SCARA5: variants seen among roughly 807,000 people sequenced by gnomAD.
The protein encoded by SCARA5 is scavenger receptor class A member 5, also known as scavenger receptor class A, member 5 (putative).
SCARA5 carries 45 observed loss-of-function variants against 46.3 expected under a neutral mutation model. That is an observed-to-expected ratio of 0.97 (90% confidence interval 0.76 to 1.24). The LOEUF (loss-of-function observed/expected upper bound fraction) is 1.24. SCARA5 is among the 50% of genes most tolerant of loss of function. The pLI, the probability that SCARA5 is intolerant of heterozygous loss-of-function variation, is 0.00. For missense variants in SCARA5, 680 were observed against 689.0 expected (o/e 0.99, Z 0.15); for synonymous variants, 333 against 306.5 (o/e 1.09, Z -0.90).
chr8:27,926,338 A>G (rs910097430), intron 3 of SCARA5, among the ~76,000 whole-genome samples: 1 of 152,146 alleles, frequency 6.6e-6, no homozygotes, highest in Non-Finnish European at 1.5e-5. Flanking sequence ...TCAGCAAACT[A>G]TCACAAGGAC....
intron 2 of SCARA5, among the ~76,000 whole-genome samples, chr8:27,975,703 T>C (rs1808512907): frequency 6.6e-6 from 1 of 152,042 alleles, no homozygotes; most frequent in African/African-American, 2.4e-5. Context: ...TTGGTTTTTT[T>C]TTCCTCTCTC....
chr8:27,913,849 C>T (rs1807417761), intron 4 of SCARA5, among the ~76,000 whole-genome samples: 1 of 152,212 alleles, frequency 6.6e-6, no homozygotes, highest in South Asian at 2.1e-4. Context: ...GCTCGGTGCT[C>T]ATGGTCACCA....
intron 3 of SCARA5, among the ~76,000 whole-genome samples, chr8:27,925,957 T>G (rs528591373): frequency 6.6e-6 from 1 of 152,338 alleles, no homozygotes; most frequent in Non-Finnish European, 1.5e-5. Flanking sequence ...CAACAGATGC[T>G]GGAGAGGATG....
intron 3 of SCARA5, among the ~76,000 whole-genome samples, chr8:27,933,608 A>G (rs1036039561): frequency 3.9e-5 from 6 of 152,138 alleles, no homozygotes; most frequent in African/African-American, 4.8e-5. Context: ...AATCTATAAC[A>G]TAAATATAAA....
chr8:27,938,397 G>C (rs369116840), intron 3 of SCARA5, among the ~76,000 whole-genome samples: 4 of 152,238 alleles, frequency 2.6e-5, no homozygotes, highest in Admixed American at 1.3e-4. Context: ...ACTTTCATGG[G>C]GTTTGTTGGT....
chr8:27,919,340 G>A (rs1585489262), intron 4 of SCARA5, among the ~76,000 whole-genome samples: 1 of 152,146 alleles, frequency 6.6e-6, no homozygotes, highest in South Asian at 2.1e-4. Context: ...GCTGTCAGTG[G>A]GGAAGGTGAG....
At chr8:27,917,525 G>A (rs185289173) in intron 4 of SCARA5, among the ~76,000 whole-genome samples, 7 of 152,150 alleles carry the variant, frequency 4.6e-5, no homozygotes, top group East Asian at 1.9e-4. Context: ...CTTACAGCTC[G>A]GAAGCAAAAT....
intron 4 of SCARA5, among the ~76,000 whole-genome samples, chr8:27,911,236 A>G (rs1464875071): frequency 1.3e-5 from 1 of 77,354 alleles, no homozygotes; most frequent in Non-Finnish European, 3.0e-5. Context: ...GCCATTTGAC[A>G]AGTAATCTCA....
At chr8:27,877,918 G>A (rs1436430066) in intron 8 of SCARA5, among the ~76,000 whole-genome samples, 1 of 152,260 alleles carries the variant, frequency 6.6e-6, no homozygotes, top group Non-Finnish European at 1.5e-5. Context: ...TGGGGATGAA[G>A]AGGAAGGCGG....
chr8:27,982,288 C>T (rs1808633590), intron 2 of SCARA5, among the ~76,000 whole-genome samples: 1 of 152,048 alleles, frequency 6.6e-6, no homozygotes, highest in African/African-American at 2.4e-5. Flanking sequence ...CCCACCCACT[C>T]CCAGATCGGC....
At position 27,871,510 on chromosome 8, in the gene SCARA5, G is replaced by A. The variant is rs1271151486; in HGVS notation, c.*424C>T. On this transcript the variant is annotated 3_prime_UTR_variant, in exon 9 of 9. Coordinates refer to ENST00000354914, the MANE Select transcript of SCARA5 (RefSeq NM_173833.6). ...ATGTAGAAACTCTTGGACTAATGGA[G>A]GTTTGGGAATTGTCTGAAGAGTAAA... 1.0e-6 allele frequency: 1 copy of A among 1,000,872 alleles called. No homozygotes were observed. The highest frequency in any genetic ancestry group is 1.2e-6 in the Non-Finnish European group (1 of 839,282). 62.0% of individuals were successfully genotyped at this position (1,000,872 alleles called of 1,614,324 possible).
chr8:27,970,139 C>T (rs543255435), intron 2 of SCARA5, among the ~76,000 whole-genome samples: 2 of 152,022 alleles, frequency 1.3e-5, no homozygotes, highest in South Asian at 4.2e-4. Flanking sequence ...AAGCCAGCTG[C>T]CATGTCATGA....
chr8:27,933,553 A>G (rs1238928938), intron 3 of SCARA5, among the ~76,000 whole-genome samples: 1 of 150,546 alleles, frequency 6.6e-6, no homozygotes, highest in African/African-American at 2.4e-5. Flanking sequence ...AACAGGGCAG[A>G]TTCATGAGAT....
intron 7 of SCARA5, among the ~76,000 whole-genome samples, chr8:27,896,710 C>T (rs889898912): frequency 6.6e-6 from 1 of 152,142 alleles, no homozygotes; most frequent in African/African-American, 2.4e-5. Flanking sequence ...CCCCCTCCTG[C>T]CACCATGGCC....
At chr8:27,977,067 C>A (rs551146479) in intron 2 of SCARA5, among the ~76,000 whole-genome samples, 2 of 152,188 alleles carry the variant, frequency 1.3e-5, no homozygotes, top group Non-Finnish European at 2.9e-5. Flanking sequence ...AAGGCACCGG[C>A]AGATCAGGTG....
At chr8:27,890,596 C>T (rs1353921483) in intron 7 of SCARA5, among the ~76,000 whole-genome samples, 3 of 130,018 alleles carry the variant, frequency 2.3e-5, no homozygotes, top group African/African-American at 6.3e-5. Flanking sequence ...TGAATGCCTC[C>T]GGATCCCTGG....
intron 4 of SCARA5, among the ~76,000 whole-genome samples, chr8:27,918,671 AAGG>A (rs1164773915): frequency 1.1e-4 from 2 of 18,536 alleles, no homozygotes; most frequent in South Asian, 3.4e-3. Context: ...TGAGGAGGAA[AAGG>A]AAGATGAGGA....
intron 2 of SCARA5, among the ~76,000 whole-genome samples, chr8:27,986,325 G>A (rs1026817336): frequency 1.1e-4 from 16 of 152,118 alleles, no homozygotes; most frequent in Non-Finnish European, 2.9e-5. Flanking sequence ...CCCTCTGCTC[G>A]CCTGACTTTA....
At chr8:27,907,376 T>TGTG in intron 5 of SCARA5, 130 bp from the exon 6 acceptor site, 1 of 595,962 alleles carries the variant, frequency 1.7e-6, no homozygotes, top group Non-Finnish European at 2.9e-6. Context: ...GGCTTTTTTC[T>TGTG]GTTAATCTAA....
Sources: allele counts gnomAD v4.1 joint callset (sites outside exome capture counted in the v4.1 genomes callset), GRCh38; gene constraint gnomAD v4.1.1; transcripts MANE v1.5; gene names NCBI Gene and HGNC (gene_info 2026-07-23, HGNC 2026-07-21).